Variants in ZFPM2 observed in about 807,000 individuals in gnomAD.
ZFPM2 encodes zinc finger protein, FOG family member 2.
A neutral mutation model predicts 98.6 loss-of-function variants in ZFPM2; 20 were observed. That is an observed-to-expected ratio of 0.20 (90% CI 0.14 to 0.29). ZFPM2 has a LOEUF of 0.29. ZFPM2 is among the 10% of genes least tolerant of loss of function. The pLI is 1.00. For synonymous variants in ZFPM2, 518 were observed against 502.7 expected, an observed-to-expected ratio of 1.03 and a Z score of -0.41; for missense variants, 1,310 against 1,388.6, an observed-to-expected ratio of 0.94 and a Z score of 0.90.
At chr8:105,767,832 A>T in intron 5 of ZFPM2, among the ~76,000 whole-genome samples, 1 of 151,944 alleles carries the variant, frequency 6.6e-6, no homozygotes, top group East Asian at 1.9e-4. Context: ...TAATTTCCAA[A>T]ATCATTCAAG....
chr8:105,765,803 T>C (rs1049068256), intron 5 of ZFPM2, among the ~76,000 whole-genome samples: 2 of 151,964 alleles, frequency 1.3e-5, no homozygotes, highest in Non-Finnish European at 2.9e-5. Context: ...AGCAGATAGA[T>C]AGGTTTTACA....
chr8:105,803,028 T>C lies in ZFPM2; in HGVS notation c.2946T>C (p.Ser982=), dbSNP rs1257950335. ...IKKAKGADQL[S]PYYGIKPSDY... Reference sequence around the variant, plus strand: ...AAGCAAAAGGAGCCGACCAGCTTTCTCCATATTATGGAATCAAGCCAAGTG... The same window carrying C: ...AAGCAAAAGGAGCCGACCAGCTTTCCCCATATTATGGAATCAAGCCAAGTG... Residue 982 remains serine, a synonymous_variant, in exon 8 of 8, where the codon TCT becomes TCC. Transcript: ENST00000407775. 1.2e-6 allele frequency: 2 copies of C among 1,613,252 alleles called. No individual in the cohort carries two copies. Among genetic ancestry groups the C allele is most frequent in the Non-Finnish European group, 1.7e-6 (2 of 1,179,688 alleles).
chr8:105,769,000 T>TA (rs899917282), intron 5 of ZFPM2, among the ~76,000 whole-genome samples: 8 of 152,064 alleles, frequency 5.3e-5, no homozygotes, highest in African/African-American at 1.7e-4. Context: ...TGGAGTAAGA[T>TA]AAAAATGTAC....
intron 5 of ZFPM2, among the ~76,000 whole-genome samples, chr8:105,707,948 G>T (rs1811300437): frequency 6.6e-6 from 1 of 152,136 alleles, no homozygotes; most frequent in Non-Finnish European, 1.5e-5. Context: ...AGCTTTAGGG[G>T]TTAGCCTGAG....
At chr8:105,577,460 C>A (rs1201916913) in intron 4 of ZFPM2, among the ~76,000 whole-genome samples, 2 of 85,886 alleles carry the variant, frequency 2.3e-5, no homozygotes, top group Admixed American at 1.0e-4. Context: ...ATAAAATAAT[C>A]TTATGAAGTA....
intron 5 of ZFPM2, among the ~76,000 whole-genome samples, chr8:105,651,156 T>C (rs1380980149): frequency 6.6e-6 from 1 of 152,144 alleles, no homozygotes; most frequent in East Asian, 1.9e-4. Flanking sequence ...CCACTGCATG[T>C]TGTCATTCTT....
intron 3 of ZFPM2, among the ~76,000 whole-genome samples, chr8:105,556,964 T>G (rs2130685364): frequency 6.6e-6 from 1 of 152,212 alleles, no homozygotes; most frequent in Non-Finnish European, 1.5e-5. Flanking sequence ...CCTCAGGTGA[T>G]CCAATCACCT....
intron 4 of ZFPM2, among the ~76,000 whole-genome samples, chr8:105,578,711 G>T (rs2130736711): frequency 6.6e-6 from 1 of 152,158 alleles, no homozygotes; most frequent in African/African-American, 2.4e-5. Flanking sequence ...TTTGATCACT[G>T]GAATATGTGG....
chr8:105,792,446 T>A (rs909349841), intron 6 of ZFPM2, among the ~76,000 whole-genome samples: 1 of 152,230 alleles, frequency 6.6e-6, no homozygotes, highest in African/African-American at 2.4e-5. Context: ...TGCACTGTGG[T>A]CAGAGATATA....
At chr8:105,621,358 A>G (rs1419069519) in intron 4 of ZFPM2, among the ~76,000 whole-genome samples, 2 of 152,028 alleles carry the variant, frequency 1.3e-5, no homozygotes, top group Non-Finnish European at 2.9e-5. Flanking sequence ...AATGCTTGTG[A>G]TTTTTGCACA....
intron 5 of ZFPM2, among the ~76,000 whole-genome samples, chr8:105,690,171 C>T (rs1810843904): frequency 6.6e-6 from 1 of 152,156 alleles, no homozygotes; most frequent in South Asian, 2.1e-4. Context: ...TTTGATGTTT[C>T]CCAGGGTTCA....
At chr8:105,556,847 C>T (rs1021686944) in intron 3 of ZFPM2, among the ~76,000 whole-genome samples, 35 of 151,880 alleles carry the variant, frequency 2.3e-4, no homozygotes, top group East Asian at 3.9e-4. Context: ...CTCAGCCTCC[C>T]GAGTAGTTGG....
intron 3 of ZFPM2, among the ~76,000 whole-genome samples, chr8:105,466,810 A>T (rs1264986048): frequency 6.6e-6 from 1 of 151,926 alleles, no homozygotes; most frequent in Admixed American, 6.6e-5. Flanking sequence ...TTTTTTGTTC[A>T]AGGATACAGG....
At chr8:105,747,538 A>G (rs1286559366) in intron 5 of ZFPM2, among the ~76,000 whole-genome samples, 1 of 152,094 alleles carries the variant, frequency 6.6e-6, no homozygotes, top group Non-Finnish European at 1.5e-5. Flanking sequence ...GATTAAAACC[A>G]AACAGGAAAA....
intron 3 of ZFPM2, among the ~76,000 whole-genome samples, chr8:105,500,508 T>C (rs1328028447): frequency 6.6e-6 from 1 of 152,172 alleles, no homozygotes. Flanking sequence ...ACATCTCTGA[T>C]GTTTGAAGAA....
intron 4 of ZFPM2, among the ~76,000 whole-genome samples, chr8:105,564,389 A>G (rs1201157049): frequency 3.3e-5 from 5 of 151,436 alleles, no homozygotes; most frequent in African/African-American, 9.8e-5. Context: ...TAGTTGCCTC[A>G]CTAAAATATA....
chr8:105,389,859 A>G (rs1281511004), intron 1 of ZFPM2, among the ~76,000 whole-genome samples: 1 of 152,224 alleles, frequency 6.6e-6, no homozygotes, highest in East Asian at 1.9e-4. Flanking sequence ...AAGCGCAGTT[A>G]TTAGACCTCT....
chr8:105,789,170 G>A (rs971937565), intron 6 of ZFPM2: 2 of 311,518 alleles, frequency 6.4e-6, no homozygotes, highest in Non-Finnish European at 1.2e-5. Flanking sequence ...GTGACATGCT[G>A]GTGCGCGGCA....
chr8:105,537,286 GA>G (rs1258944096), intron 3 of ZFPM2, among the ~76,000 whole-genome samples: 1 of 151,940 alleles, frequency 6.6e-6, no homozygotes, highest in Non-Finnish European at 1.5e-5. Flanking sequence ...AGACTACCAA[GA>G]CATGTAACCA....
Sources: gnomAD v4.1 joint callset for allele counts (sites outside exome capture counted in the v4.1 genomes callset) on GRCh38, gnomAD v4.1.1 for gene constraint, MANE v1.5 for transcripts, NCBI Gene and HGNC (gene_info 2026-07-23, HGNC 2026-07-21) for gene names.